HMCN1: variants seen among roughly 807,000 people sequenced by gnomAD.
HMCN1 encodes the protein hemicentin 1.
In HMCN1, 321 loss-of-function variants were observed where a neutral mutation model predicts 625.9. The ratio of observed to expected loss-of-function variants is 0.51; its 90% CI spans 0.47 to 0.56. The LOEUF (loss-of-function observed/expected upper bound fraction) is 0.56, where lower values mean the gene tolerates loss of function less well. Among genes scored for constraint, HMCN1 ranks in the 20% least tolerant of loss-of-function variants. The pLI is 0.00. For synonymous variants in HMCN1, 2,425 were observed against 2,417.6 expected, an observed-to-expected ratio of 1.00 and a Z score of -0.09; for missense variants, 6,588 against 6,887.3, an observed-to-expected ratio of 0.96 and a Z score of 1.54.
chr1:185,824,789 G>T (rs774535093), intron 1 of HMCN1, among the ~76,000 whole-genome samples: 2 of 151,982 alleles, frequency 1.3e-5, no homozygotes, highest in East Asian at 3.9e-4. Context: ...AACCAGAACT[G>T]GTATTCATGA....
At chr1:185,783,158 T>C (rs1457850020) in intron 1 of HMCN1, among the ~76,000 whole-genome samples, 2 of 152,244 alleles carry the variant, frequency 1.3e-5, no homozygotes, top group East Asian at 3.8e-4. Context: ...AGCTTGTGCA[T>C]TCGTCACGTA....
At chr1:186,079,839 C>T (rs1659059050) in intron 55 of HMCN1, among the ~76,000 whole-genome samples, 1 of 152,090 alleles carries the variant, frequency 6.6e-6, no homozygotes, top group African/African-American at 2.4e-5. Flanking sequence ...ATTAACTGGT[C>T]CCCAAATTCT....
At chr1:185,849,921 C>T (rs974936115) in intron 2 of HMCN1, among the ~76,000 whole-genome samples, 2 of 151,748 alleles carry the variant, frequency 1.3e-5, no homozygotes, top group African/African-American at 2.4e-5. Context: ...TTTTCTCTGC[C>T]TCAATATAGC....
intron 6 of HMCN1, among the ~76,000 whole-genome samples, chr1:185,920,472 C>G (rs557985451): frequency 7.2e-5 from 11 of 152,086 alleles, no homozygotes; most frequent in Non-Finnish European, 8.8e-5. Flanking sequence ...GAGCAAAATA[C>G]TCTTCATATT....
In HMCN1 at chr1:186,087,422, T is replaced by C. The variant is rs183419963; in HGVS notation, c.9161-21T>C. On this transcript the variant is annotated intron_variant, in intron 59 of 106. Transcript: ENST00000271588. The stretch of plus-strand genomic sequence containing the variant: ...GCACCTTAATGAAAAAGAAAATCCT[T>C]CTGTTATTTTCTTCCCTCAGTGCCC... The C allele has an allele frequency of 3.1e-5, 50 of 1,608,468 alleles. 1 individual carries two copies. The Admixed American group carries it at 3.5e-4, about 11-fold the overall frequency.
chr1:185,938,628 A>G (rs895641020), intron 11 of HMCN1, among the ~76,000 whole-genome samples: 1 of 152,160 alleles, frequency 6.6e-6, no homozygotes, highest in African/African-American at 2.4e-5. Context: ...CAAGACCACG[A>G]ACACTTAAAA....
chr1:185,795,536 T>C (rs1273707636), intron 1 of HMCN1, among the ~76,000 whole-genome samples: 1 of 152,222 alleles, frequency 6.6e-6, no homozygotes. Flanking sequence ...GGGTGCCAAA[T>C]TCTACTTTAC....
chr1:185,974,327 T>A (rs10911790), intron 15 of HMCN1, among the ~76,000 whole-genome samples: 19,850 of 152,162 alleles, frequency 0.13, 3,631 homozygotes, highest in African/African-American at 0.41. Context: ...GTTTAATGAG[T>A]GTTTATATCT....
At chr1:186,176,200 A>C (rs1429039272) in intron 103 of HMCN1, among the ~76,000 whole-genome samples, 1 of 152,204 alleles carries the variant, frequency 6.6e-6, no homozygotes, top group Non-Finnish European at 1.5e-5. Flanking sequence ...TCTTAGTAAG[A>C]ACTGATTCTA....
intron 1 of HMCN1, among the ~76,000 whole-genome samples, chr1:185,839,238 AT>A (rs1466525877): frequency 6.6e-6 from 1 of 152,156 alleles, no homozygotes; most frequent in African/African-American, 2.4e-5. Context: ...ATTTTGAAAA[AT>A]ATTAATGTTA....
intron 105 of HMCN1, among the ~76,000 whole-genome samples, chr1:186,183,240 T>C (rs544492931): frequency 1.8e-4 from 27 of 152,324 alleles, no homozygotes; most frequent in Non-Finnish European, 3.1e-4. Flanking sequence ...TTTTTCTCTT[T>C]ATGGGATTCA....
chr1:185,791,748 A>T (rs1051238127), intron 1 of HMCN1, among the ~76,000 whole-genome samples: 2 of 152,124 alleles, frequency 1.3e-5, no homozygotes, highest in African/African-American at 4.8e-5. Flanking sequence ...AAACAAACAG[A>T]AGTACTCAGA....
intron 89 of HMCN1, 23 bp from the exon 90 acceptor site, chr1:186,144,150 A>T: frequency 1.3e-6 from 2 of 1,563,588 alleles, no homozygotes; most frequent in Non-Finnish European, 1.7e-6. Flanking sequence ...GTGACTTGCA[A>T]CTGTCTTTTG....
intron 97 of HMCN1, among the ~76,000 whole-genome samples, chr1:186,163,173 C>T (rs932991454): frequency 2.6e-5 from 4 of 152,202 alleles, no homozygotes; most frequent in African/African-American, 9.6e-5. Flanking sequence ...GCTGTGCTAG[C>T]AATCAGCCAG....
chr1:185,860,415 G>A (rs1662794458), intron 2 of HMCN1, among the ~76,000 whole-genome samples: 1 of 152,112 alleles, frequency 6.6e-6, no homozygotes, highest in African/African-American at 2.4e-5. Flanking sequence ...ACTCCTAAAG[G>A]ATATATAAGC....
intron 17 of HMCN1, 137 bp from the exon 18 acceptor site, chr1:185,982,125 C>T (rs1464980773): frequency 2.4e-6 from 2 of 845,380 alleles, no homozygotes; most frequent in African/African-American, 1.7e-5. Context: ...AAATCATACC[C>T]ATTTTCATGT....
Position 185,734,489 on chromosome 1 carries a change from A to G in HMCN1, c.-291A>G, listed in dbSNP as rs141144991. On this transcript the variant is annotated 5_prime_UTR_variant, in exon 1 of 107. Transcript: ENST00000271588. Reference sequence around the variant, plus strand: ...GAGCTGCCCCCGGGGCATGGACCCGACGCGCCGCCCGCACTCCGCCACAGG... The same window carrying G: ...GAGCTGCCCCCGGGGCATGGACCCGGCGCGCCGCCCGCACTCCGCCACAGG... The G allele has an allele frequency of 8.5e-3, 3,243 of 383,208 alleles. 79 individuals are homozygous for G. Among genetic ancestry groups the G allele is most frequent in the African/African-American group, 0.051 (2,441 of 48,108 alleles). The allele number at this position is 383,208 out of a possible 1,614,324, so 23.7% of individuals were successfully genotyped here. A position where few individuals can be genotyped will look rare whatever the true frequency, so the allele number is the denominator to read the frequency against.
In HMCN1 at chr1:185,937,882, A is replaced by AAATAAT. The variant is rs200950894; in HGVS notation, c.1828+4093_1828+4098dup. ...GGCAACAGAGCGAGACTCCATCTCA[A>AAATAAT]AATAATAATAATAATAATAATAATA... On this transcript the variant is annotated intron_variant, in intron 11 of 106. Transcript: ENST00000271588. Among the ~76,000 whole-genome samples the AAATAAT allele has an allele frequency of 8.9e-3, 1,271 of 142,620 alleles. 9 individuals are homozygous for AAATAAT. The highest frequency in any genetic ancestry group is 0.018 in the Middle Eastern group (5 of 278). The allele number at this position is 142,620 out of a possible 152,430, so 93.6% of individuals were successfully genotyped here. A position where few individuals can be genotyped will look rare whatever the true frequency, so the allele number is the denominator to read the frequency against.
intron 28 of HMCN1, among the ~76,000 whole-genome samples, chr1:186,003,097 C>G (rs1280913276): frequency 6.6e-6 from 1 of 152,030 alleles, no homozygotes. Flanking sequence ...CCACTCCTCC[C>G]CTACTGAAAT....
Sources: allele counts gnomAD v4.1 joint callset (sites outside exome capture counted in the v4.1 genomes callset), GRCh38; gene constraint gnomAD v4.1.1; transcripts MANE v1.5; gene names NCBI Gene and HGNC (gene_info 2026-07-23, HGNC 2026-07-21).